Variants in CEP63 observed in about 807,000 individuals in gnomAD.
CEP63 encodes centrosomal protein 63.
A neutral mutation model predicts 89.1 loss-of-function variants in CEP63; 84 were observed. That is an observed-to-expected ratio of 0.94 (90% CI 0.79 to 1.13). CEP63 has a LOEUF of 1.13. Ranked by LOEUF, CEP63 falls within the 50% of genes most tolerant of loss-of-function variation. CEP63 has a pLI of 0.00. For missense variants in CEP63, 838 were observed against 813.3 expected (o/e 1.03, Z -0.37); for synonymous variants, 267 against 272.5 (o/e 0.98, Z 0.20).
At chr3:134,595,259 T>G in the CEP63 span, among the ~76,000 whole-genome samples, 1 of 152,232 alleles carries the variant, frequency 6.6e-6, no homozygotes, top group Non-Finnish European at 1.5e-5. Flanking sequence ...TTCCCCCTTT[T>G]GCTCAGCACT....
chr3:134,639,132 T>TA, the CEP63 span, among the ~76,000 whole-genome samples: 67 of 149,832 alleles, frequency 4.5e-4, no homozygotes, highest in African/African-American at 1.2e-3. Context: ...ATTGGTAGTT[T>TA]AAAAAAAAAT....
the CEP63 span, among the ~76,000 whole-genome samples, chr3:134,753,010 G>C: frequency 6.6e-6 from 1 of 152,126 alleles, no homozygotes; most frequent in African/African-American, 2.4e-5. Flanking sequence ...AGGGCCTCTG[G>C]GGAGTTCAGG....
At chr3:134,619,712 A>AC in the CEP63 span, among the ~76,000 whole-genome samples, 3 of 152,234 alleles carry the variant, frequency 2.0e-5, no homozygotes, top group Non-Finnish European at 4.4e-5. Context: ...TAAGGAGGGG[A>AC]TGAAGACATT....
At chr3:134,674,438 T>C in the CEP63 span, among the ~76,000 whole-genome samples, 449 of 152,328 alleles carry the variant, frequency 2.9e-3, 3 homozygotes, top group Non-Finnish European at 4.4e-3. Context: ...AGGGAACTTT[T>C]TTAATTTGAT....
chr3:134,710,273 C>A, the CEP63 span, among the ~76,000 whole-genome samples: 4 of 152,172 alleles, frequency 2.6e-5, no homozygotes, highest in Non-Finnish European at 5.9e-5. Flanking sequence ...TGAGGCCAAC[C>A]AGGAAAAAGG....
At chr3:134,549,460 A>T (rs1238612376) in intron 10 of CEP63, among the ~76,000 whole-genome samples, 3 of 152,160 alleles carry the variant, frequency 2.0e-5, no homozygotes, top group South Asian at 2.1e-4. Context: ...TTTCTAAAAG[A>T]CATACACTCT....
At chr3:134,566,272 T>C (rs1176215282), downstream of CEP63, among the ~76,000 whole-genome samples, 1 of 152,136 alleles carries the variant, frequency 6.6e-6, no homozygotes, top group Non-Finnish European at 1.5e-5. Flanking sequence ...CAGTAGTTGA[T>C]AGGGGAAGGT....
chr3:134,594,908 G>A, the CEP63 span, among the ~76,000 whole-genome samples: 2 of 152,194 alleles, frequency 1.3e-5, no homozygotes, highest in Non-Finnish European at 2.9e-5. Context: ...TGTGTCCTCT[G>A]AGCTGGGTGG....
the CEP63 span, among the ~76,000 whole-genome samples, chr3:134,777,206 G>A: frequency 2.0e-5 from 3 of 152,124 alleles, no homozygotes; most frequent in Non-Finnish European, 4.4e-5. Context: ...ATTAATAAAG[G>A]CCCCTTTGGT....
the CEP63 span, among the ~76,000 whole-genome samples, chr3:134,621,461 T>TG: frequency 6.6e-6 from 1 of 152,166 alleles, no homozygotes. Flanking sequence ...GTCCATTCAG[T>TG]GGGGAAAGAA....
At chr3:134,684,750 C>T in the CEP63 span, among the ~76,000 whole-genome samples, 1 of 152,186 alleles carries the variant, frequency 6.6e-6, no homozygotes, top group African/African-American at 2.4e-5. Context: ...GGACAATATA[C>T]CTTTGGGTTT....
At chr3:134,645,206 G>A in the CEP63 span, among the ~76,000 whole-genome samples, 1 of 152,216 alleles carries the variant, frequency 6.6e-6, no homozygotes, top group African/African-American at 2.4e-5. Context: ...CCGTTGCTGG[G>A]CAAGCTATTG....
chr3:134,768,335 T>C, the CEP63 span, among the ~76,000 whole-genome samples: 7 of 152,274 alleles, frequency 4.6e-5, no homozygotes, highest in South Asian at 1.0e-3. Flanking sequence ...AGCCCCGAAT[T>C]TTTCAGGAAC....
intron 8 of CEP63, 151 bp downstream of exon 8, chr3:134,546,439 A>C (rs1184980295): frequency 4.3e-6 from 3 of 704,234 alleles, no homozygotes; most frequent in Admixed American, 6.4e-5. Flanking sequence ...GCTCACTGCA[A>C]CCTCAACCTC....
the CEP63 span, among the ~76,000 whole-genome samples, chr3:134,713,668 AGAT>A: frequency 6.6e-6 from 1 of 152,088 alleles, no homozygotes; most frequent in Non-Finnish European, 1.5e-5. Context: ...CTGGGGTATG[AGAT>A]TGGTCTTGGG....
At chr3:134,604,902 T>C in the CEP63 span, among the ~76,000 whole-genome samples, 1 of 152,204 alleles carries the variant, frequency 6.6e-6, no homozygotes, top group Non-Finnish European at 1.5e-5. Flanking sequence ...AGCATCTGTC[T>C]AAGTGTCAAT....
At chr3:134,574,304 C>T (rs1413893141) in intron 11 of CEP63, among the ~76,000 whole-genome samples, 5 of 152,200 alleles carry the variant, frequency 3.3e-5, no homozygotes, top group Non-Finnish European at 5.9e-5. Flanking sequence ...CAGCTCTAGA[C>T]AGCAGTCCCA....
chr3:134,721,917 G>C, the CEP63 span, among the ~76,000 whole-genome samples: 150 of 151,970 alleles, frequency 9.9e-4, no homozygotes, highest in Non-Finnish European at 2.0e-3. Context: ...AAGAGATCTT[G>C]TTCTACAAGT....
At chr3:134,568,533 C>T (rs575927556), downstream of CEP63, among the ~76,000 whole-genome samples, 2 of 152,268 alleles carry the variant, frequency 1.3e-5, no homozygotes, top group South Asian at 4.1e-4. Context: ...GGCCCCTCAG[C>T]CCAGCATGGA....
Sources: allele counts gnomAD v4.1 joint callset (sites outside exome capture counted in the v4.1 genomes callset), GRCh38; gene constraint gnomAD v4.1.1; transcripts MANE v1.5; gene names NCBI Gene and HGNC (gene_info 2026-07-23, HGNC 2026-07-21).